Variants in MAML2 observed in about 807,000 individuals in gnomAD.
MAML2 encodes the protein mastermind-like protein 2.
MAML2 carries 22 observed loss-of-function variants against 96.1 expected under a neutral mutation model. The ratio of observed to expected loss-of-function variants is 0.23; its 90% CI spans 0.16 to 0.33. The LOEUF is 0.33. MAML2 is among the 10% of genes least tolerant of loss of function. The pLI, the probability that MAML2 is intolerant of heterozygous loss-of-function variation, is 1.00. For synonymous variants in MAML2, 561 were observed against 521.3 expected, an observed-to-expected ratio of 1.08 and a Z score of -1.04; for missense variants, 1,367 against 1,392.4, an observed-to-expected ratio of 0.98 and a Z score of 0.29.
intron 1 of MAML2, among the ~76,000 whole-genome samples, chr11:96,193,449 T>A (rs1861685643): frequency 6.8e-6 from 1 of 147,166 alleles, no homozygotes; most frequent in South Asian, 2.2e-4. Flanking sequence ...CACTATCAGT[T>A]TGATCAGTTT....
At chr11:96,140,783 G>T (rs1290821896) in intron 1 of MAML2, among the ~76,000 whole-genome samples, 4 of 152,160 alleles carry the variant, frequency 2.6e-5, no homozygotes, top group Non-Finnish European at 4.4e-5. Context: ...CACCAGTCTG[G>T]ATTAGGGTAA....
rs1299496119 is a variant in MAML2, at chr11:95,985,650, A to G, written c.2344-8T>C. ...TTGTGGAGCAATTTTCTCCTTGAGA[A>G]ATGATATGAAAGCATATTATGTTGC... is the stretch of plus-strand genomic sequence containing the variant. On this transcript the variant is annotated splice_polypyrimidine_tract_variant and splice_region_variant and intron_variant, in intron 3 of 4. Transcript: ENST00000524717. 2 of 1,534,304 alleles carry G rather than the reference A, an allele frequency of 1.3e-6. No homozygotes were observed. The highest frequency in any genetic ancestry group is 3.4e-5 in the Admixed American group (2 of 59,166).
At chr11:96,075,027 G>A (rs572038018) in intron 2 of MAML2, among the ~76,000 whole-genome samples, 1 of 152,312 alleles carries the variant, frequency 6.6e-6, no homozygotes, top group Admixed American at 6.5e-5. Context: ...ACTTGAGCGT[G>A]ACTCTTAATT....
intron 4 of MAML2, among the ~76,000 whole-genome samples, chr11:95,983,854 CA>C (rs896515236): frequency 2.6e-5 from 4 of 151,548 alleles, no homozygotes; most frequent in Non-Finnish European, 1.5e-5. Flanking sequence ...TAAAGCAAAG[CA>C]AAAAAATTAA....
Position 96,270,196 on chromosome 11 carries a change from T to A in MAML2, c.513+71187A>T, listed in dbSNP as rs527740104. Reference sequence around the variant, plus strand: ...CAGTAAAAAGACTTGGCATCTAGGTTGATTACTCTTTTTTTAAACCTTACA... The same window carrying A: ...CAGTAAAAAGACTTGGCATCTAGGTAGATTACTCTTTTTTTAAACCTTACA... On this transcript the variant is annotated intron_variant, in intron 1 of 4. Coordinates refer to ENST00000524717, the MANE Select transcript of MAML2 (RefSeq NM_032427.4). 7.3e-5 allele frequency among the ~76,000 whole-genome samples: 11 copies of A among 151,700 alleles called. No individual in the cohort carries two copies. The South Asian group carries it at 2.3e-3, about 32-fold the overall frequency.
intron 1 of MAML2, among the ~76,000 whole-genome samples, chr11:96,176,881 G>A (rs1418786365): frequency 1.3e-5 from 2 of 151,998 alleles, no homozygotes; most frequent in Non-Finnish European, 2.9e-5. Context: ...TTTCCTGATC[G>A]GCATACCACC....
At chr11:96,102,865 A>G (rs2135823396) in intron 1 of MAML2, among the ~76,000 whole-genome samples, 1 of 152,360 alleles carries the variant, frequency 6.6e-6, no homozygotes, top group South Asian at 2.1e-4. Flanking sequence ...TGCATGAAAT[A>G]CTTTAACCAT....
chr11:96,010,178 T>C (rs565295720), intron 2 of MAML2, among the ~76,000 whole-genome samples: 3 of 152,296 alleles, frequency 2.0e-5, no homozygotes, highest in African/African-American at 7.2e-5. Flanking sequence ...TCAGAGAAAA[T>C]TTACATTCTA....
chr11:96,199,523 A>C, intron 1 of MAML2, among the ~76,000 whole-genome samples: 1 of 143,830 alleles, frequency 7.0e-6, no homozygotes, highest in South Asian at 2.2e-4. Flanking sequence ...GTTTCAGATA[A>C]TTTTTTTTTT....
In MAML2 at chr11:96,118,479, G is replaced by T. The variant is rs560892442; in HGVS notation, c.514-24962C>A. ...TCTGCCATGATTGTAAGTTTCCTGG[G>T]GCCTCCTAAGCCATGTGGAACTCTC... is the stretch of plus-strand genomic sequence containing the variant. On this transcript the variant is annotated intron_variant, in intron 1 of 4. Coordinates refer to ENST00000524717, the MANE Select transcript of MAML2 (RefSeq NM_032427.4). Among the ~76,000 whole-genome samples the T allele has an allele frequency of 2.0e-5, 3 of 152,112 alleles. No individual in the cohort carries two copies. In the East Asian group the frequency reaches 5.8e-4, roughly 29 times the overall value.
chr11:96,099,017 A>G (rs1178359397), intron 1 of MAML2, among the ~76,000 whole-genome samples: 1 of 151,676 alleles, frequency 6.6e-6, no homozygotes, highest in African/African-American at 2.4e-5. Context: ...CCCTAGAAAC[A>G]GGGAATGTGC....
chr11:96,079,340 A>G (rs966444142), intron 2 of MAML2, among the ~76,000 whole-genome samples: 1 of 152,218 alleles, frequency 6.6e-6, no homozygotes, highest in Non-Finnish European at 1.5e-5. Flanking sequence ...TAGGCCCAGA[A>G]AAATAACAAT....
intron 1 of MAML2, among the ~76,000 whole-genome samples, chr11:96,125,627 C>T (rs776869161): frequency 5.3e-5 from 8 of 152,142 alleles, no homozygotes; most frequent in Non-Finnish European, 1.0e-4. Context: ...CTCTGCTCTC[C>T]GTGCCATGAA....
intron 2 of MAML2, among the ~76,000 whole-genome samples, chr11:96,046,125 G>C (rs1858897238): frequency 6.6e-6 from 1 of 152,070 alleles, no homozygotes; most frequent in African/African-American, 2.4e-5. Context: ...GTCTGAGTTG[G>C]GGGAGGAGGA....
chr11:96,059,011 G>A (rs1402958765), intron 2 of MAML2, among the ~76,000 whole-genome samples: 3 of 152,178 alleles, frequency 2.0e-5, no homozygotes, highest in Non-Finnish European at 4.4e-5. Flanking sequence ...GAACCCGGGA[G>A]GTGGAGGTTG....
chr11:96,330,019 G>A (rs1863832655), intron 1 of MAML2, among the ~76,000 whole-genome samples: 1 of 152,216 alleles, frequency 6.6e-6, no homozygotes, highest in Admixed American at 6.5e-5. Context: ...CAAAGGGAGT[G>A]ACATCTTTAT....
chr11:96,078,820 T>G (rs1414216940), intron 2 of MAML2, among the ~76,000 whole-genome samples: 1 of 152,250 alleles, frequency 6.6e-6, no homozygotes, highest in Non-Finnish European at 1.5e-5. Flanking sequence ...TGATTCTACC[T>G]TCTTTCATTC....
At chr11:96,008,075 T>A (rs566012849) in intron 2 of MAML2, among the ~76,000 whole-genome samples, 4 of 151,928 alleles carry the variant, frequency 2.6e-5, no homozygotes, top group Admixed American at 6.6e-5. Flanking sequence ...ATATTACATA[T>A]CATATAACAA....
At position 95,979,419 on chromosome 11, in the gene MAML2, C is replaced by T. The variant is rs372877566; in HGVS notation, c.3000G>A (p.Leu1000=). Residue 1000 remains leucine, a synonymous_variant, in exon 5 of 5, where the codon CTG becomes CTA. Transcript: ENST00000524717. ...ATTGCTGGCTACCTACTGCCTGTTG[C>T]AGTGACTGATTTGGGGTATAGGCTG... ...TPAAYTPNQS[L]QQAVGSQQFS... 2.4e-5 allele frequency: 38 copies of T among 1,613,496 alleles called. No individual in the cohort carries two copies. The African/African-American group carries it at 4.9e-4, about 21-fold the overall frequency.
Sources: allele counts gnomAD v4.1 joint callset (sites outside exome capture counted in the v4.1 genomes callset), GRCh38; gene constraint gnomAD v4.1.1; transcripts MANE v1.5; gene names NCBI Gene and HGNC (gene_info 2026-07-23, HGNC 2026-07-21).